The following ENOX2 variants were observed in gnomAD, a reference collection of about 807,000 sequenced individuals.
The protein encoded by ENOX2 is APK1 antigen.
Under a neutral mutation model 45.0 loss-of-function variants are expected in ENOX2, and 36 were observed. The observed-to-expected ratio is 0.80, with a 90% CI of 0.61 to 1.06. ENOX2 has a LOEUF of 1.06. ENOX2 is among the 50% of genes least tolerant of loss of function. The pLI is 0.00. For synonymous variants in ENOX2, 174 were observed against 152.3 expected (o/e 1.14, Z -1.05); for missense variants, 423 against 462.5 (o/e 0.91, Z 0.78).
chrX:130,892,963 A>G (rs1222936546), intron 2 of ENOX2, among the ~76,000 whole-genome samples: 4 of 112,431 alleles, frequency 3.6e-5, no homozygotes, highest in Non-Finnish European at 7.5e-5. Context: ...TGGGTGTTCA[A>G]TGTGCAATTC....
At chrX:130,895,579 C>A (rs1055577026) in intron 2 of ENOX2, among the ~76,000 whole-genome samples, 84 of 112,133 alleles carry the variant, frequency 7.5e-4, no homozygotes, top group African/African-American at 2.7e-3. Flanking sequence ...GCTCTGCCTA[C>A]CGAGGCATTT....
At chrX:130,855,399 T>C (rs372988963) in intron 2 of ENOX2, among the ~76,000 whole-genome samples, 11 of 112,070 alleles carry the variant, frequency 9.8e-5, no homozygotes, top group African/African-American at 3.6e-4. Context: ...ATAATTTATA[T>C]GTTGAAAACT....
At chrX:130,780,124 G>A (rs758719594) in intron 3 of ENOX2, among the ~76,000 whole-genome samples, 1 of 110,861 alleles carries the variant, frequency 9.0e-6, no homozygotes, top group Admixed American at 9.6e-5. Context: ...GTAGTGGATC[G>A]GTGTGGCTGA....
rs914714940 is a variant in ENOX2 at position 130,783,604 on chromosome X, G to A, written c.-96C>T. The A allele has an allele frequency of 5.8e-5, 19 of 327,719 alleles. No individual in the cohort carries two copies. Among genetic ancestry groups the A allele is most frequent in the African/African-American group, 5.1e-4 (19 of 37,378 alleles). 27.0% of individuals were successfully genotyped at this position (327,719 alleles called of 1,213,427 possible). On this transcript the variant is annotated 5_prime_UTR_variant, in exon 3 of 15. Coordinates refer to ENST00000394363, the MANE Select transcript of ENOX2 (RefSeq NM_006375.4). The stretch of plus-strand genomic sequence containing the variant: ...CTTGATTCCCCTCCATTCTCAATGA[G>A]GCCTTCTGTGACCAGAGGGCCACTG...
At chrX:130,629,543 T>C (rs946774845) in intron 13 of ENOX2, among the ~76,000 whole-genome samples, 2 of 112,819 alleles carry the variant, frequency 1.8e-5, no homozygotes, top group African/African-American at 3.2e-5. Context: ...CCATGCCAAT[T>C]TGTTAAGAAC....
chrX:130,785,285 A>G (rs1264469094), intron 2 of ENOX2, among the ~76,000 whole-genome samples: 1 of 105,517 alleles, frequency 9.5e-6, no homozygotes, highest in African/African-American at 3.5e-5. Context: ...AGATCGTGCC[A>G]TTGCACTCCA....
chrX:130,849,189 A>T (rs1488325998), intron 2 of ENOX2, among the ~76,000 whole-genome samples: 1 of 112,892 alleles, frequency 8.9e-6, no homozygotes, highest in Non-Finnish European at 1.9e-5. Context: ...AATCTTAACA[A>T]TAAACAACTG....
At chrX:130,768,576 T>C (rs2039668461) in intron 3 of ENOX2, among the ~76,000 whole-genome samples, 1 of 111,958 alleles carries the variant, frequency 8.9e-6, no homozygotes, top group African/African-American at 3.3e-5. Flanking sequence ...TAGACTTGTA[T>C]ATGGGGATTG....
chrX:130,631,589 C>G lies in ENOX2; in HGVS notation c.1420-13G>C. On this transcript the variant is annotated splice_polypyrimidine_tract_variant and intron_variant, in intron 12 of 14. Transcript: ENST00000394363. ...AAGCACAGCTTTCCTGTGGACACAACATGCTTCTAGGTCAGTTCACTTTAT... is the reference window on the plus strand; with the variant it reads ...AAGCACAGCTTTCCTGTGGACACAAGATGCTTCTAGGTCAGTTCACTTTAT... 1 of 1,047,986 alleles carries G rather than the reference C, an allele frequency of 9.5e-7. No individual in the cohort carries two copies. Among genetic ancestry groups the G allele is most frequent in the East Asian group, 3.0e-5 (1 of 33,120 alleles). The allele number at this position is 1,047,986 out of a possible 1,213,427, so 86.4% of individuals were successfully genotyped here. A position where few individuals can be genotyped will look rare whatever the true frequency, so the allele number is the denominator to read the frequency against.
chrX:130,821,305 T>C (rs1314892977), intron 2 of ENOX2, among the ~76,000 whole-genome samples: 3 of 99,728 alleles, frequency 3.0e-5, no homozygotes, highest in Non-Finnish European at 6.1e-5. Context: ...TGTCCAACAA[T>C]GATAGACTGG....
intron 3 of ENOX2, among the ~76,000 whole-genome samples, chrX:130,763,684 C>T (rs958321924): frequency 9.0e-6 from 1 of 110,705 alleles, no homozygotes; most frequent in Admixed American, 9.6e-5. Context: ...ACCTGGACAA[C>T]ATAGTGAGAC....
chrX:130,766,995 C>A (rs1301468553), intron 3 of ENOX2, among the ~76,000 whole-genome samples: 17 of 111,483 alleles, frequency 1.5e-4, no homozygotes. Context: ...AGCTTTCAAG[C>A]CATAATCAAT....
chrX:130,682,583 C>CAAAAAAAAAAAA lies in ENOX2; in HGVS notation c.254-2847_254-2836dup, dbSNP rs55875735. Among the ~76,000 whole-genome samples, 9 of 14,661 alleles carry CAAAAAAAAAAAA rather than the reference C, an allele frequency of 6.1e-4. 1 individual carries two copies. Among genetic ancestry groups the CAAAAAAAAAAAA allele is most frequent in the African/African-American group, 1.6e-3 (8 of 4,914 alleles). 12.7% of individuals were successfully genotyped at this position (14,661 alleles called of 115,157 possible). ...TGGGTGACAGAGCGAGACTCCGTCT[C>CAAAAAAAAAAAA]AAAAAAAAAAAAAAAAAAAAAAAAA... On this transcript the variant is annotated intron_variant, in intron 5 of 14. Coordinates refer to ENST00000394363, the MANE Select transcript of ENOX2 (RefSeq NM_006375.4).
At chrX:130,645,453 A>C (rs914399436) in intron 10 of ENOX2, among the ~76,000 whole-genome samples, 18 of 112,842 alleles carry the variant, frequency 1.6e-4, no homozygotes, top group Non-Finnish European at 3.4e-4. Context: ...ATCAAGTTTC[A>C]GGCTTATGAC....
rs2035589995 is a variant in ENOX2 at position 130,627,882 on chromosome X, G to A, written c.1614+76C>T. The A allele has an allele frequency of 1.2e-5, 8 of 666,703 alleles. No individual in the cohort carries two copies. In the Admixed American group the frequency reaches 1.8e-4, roughly 15 times the overall value. 54.9% of individuals were successfully genotyped at this position (666,703 alleles called of 1,213,427 possible). ...AAGCAGTAACTAATGACCTATTTAT[G>A]CTTGAGGAGAGTCAGGTCACCTGTT... is the stretch of plus-strand genomic sequence containing the variant. On this transcript the variant is annotated intron_variant, in intron 14 of 14. Transcript: ENST00000394363.
intron 10 of ENOX2, among the ~76,000 whole-genome samples, chrX:130,654,478 G>A (rs771397732): frequency 2.1e-4 from 23 of 110,561 alleles, no homozygotes; most frequent in African/African-American, 5.6e-4. Context: ...CTGAGATCTC[G>A]TTGCTTAAGC....
At chrX:130,653,645 C>T (rs1304619483) in intron 10 of ENOX2, among the ~76,000 whole-genome samples, 1 of 112,191 alleles carries the variant, frequency 8.9e-6, no homozygotes, top group Admixed American at 9.5e-5. Context: ...CTGCTGCATT[C>T]TAATCAGTAC....
intron 5 of ENOX2, among the ~76,000 whole-genome samples, chrX:130,687,322 T>C (rs769559454): frequency 8.9e-6 from 1 of 112,429 alleles, no homozygotes; most frequent in South Asian, 3.7e-4. Flanking sequence ...AGGCTGATTA[T>C]GCGATAAATG....
chrX:130,778,466 A>G (rs888474214), intron 3 of ENOX2, among the ~76,000 whole-genome samples: 2 of 111,630 alleles, frequency 1.8e-5, no homozygotes, highest in Non-Finnish European at 3.8e-5. Context: ...TGGAGTTGGG[A>G]GGTCTATGAT....
Sources: allele counts gnomAD v4.1 joint callset (sites outside exome capture counted in the v4.1 genomes callset), GRCh38; gene constraint gnomAD v4.1.1; transcripts MANE v1.5; gene names NCBI Gene and HGNC (gene_info 2026-07-23, HGNC 2026-07-21).